Variants in CACNG7 observed in about 807,000 individuals in gnomAD.
CACNG7 encodes calcium voltage-gated channel auxiliary subunit gamma 7, also known as voltage-dependent calcium channel gamma-7 subunit.
CACNG7 carries 9 observed loss-of-function variants against 26.3 expected under a neutral mutation model. That is an observed-to-expected ratio of 0.34 (90% CI 0.21 to 0.60). CACNG7 has a LOEUF of 0.60. Ranked by LOEUF, CACNG7 falls within the 20% of genes least tolerant of loss-of-function variation. CACNG7 has a pLI of 0.81. For missense variants in CACNG7, 297 were observed against 380.4 expected (o/e 0.78, Z 1.82); for synonymous variants, 170 against 157.0 (o/e 1.08, Z -0.62).
At chr19:53,911,871 G>C (rs1372820415) in intron 1 of CACNG7, among the ~76,000 whole-genome samples, 1 of 152,158 alleles carries the variant, frequency 6.6e-6, no homozygotes, top group Non-Finnish European at 1.5e-5. Flanking sequence ...TGTTAGAATT[G>C]GGTGTTAGGC....
At chr19:53,913,393 A>G (rs2068873113) in intron 2 of CACNG7, among the ~76,000 whole-genome samples, 2 of 152,022 alleles carry the variant, frequency 1.3e-5, no homozygotes, top group South Asian at 4.1e-4. Flanking sequence ...AGGCCAAGGC[A>G]GGAGTATCCC....
chr19:53,921,896 G>C (rs2068959397), intron 4 of CACNG7, among the ~76,000 whole-genome samples: 2 of 106,642 alleles, frequency 1.9e-5, no homozygotes, highest in Admixed American at 8.1e-5. Context: ...GTCATTGGTG[G>C]AGTTGTCCCC....
At chr19:53,917,237 A>G (rs2068904555) in intron 4 of CACNG7, among the ~76,000 whole-genome samples, 1 of 152,212 alleles carries the variant, frequency 6.6e-6, no homozygotes, top group Non-Finnish European at 1.5e-5. Flanking sequence ...GCTAACCCCA[A>G]TTCATTCTGA....
intron 2 of CACNG7, among the ~76,000 whole-genome samples, chr19:53,914,029 A>G (rs2068877526): frequency 6.6e-6 from 1 of 151,970 alleles, no homozygotes. Flanking sequence ...TAATCCCAGC[A>G]CTTTGGGGGG....
At chr19:53,937,260 A>G (rs1016372839) in intron 4 of CACNG7, among the ~76,000 whole-genome samples, 2 of 152,116 alleles carry the variant, frequency 1.3e-5, no homozygotes, top group African/African-American at 4.8e-5. Context: ...CCATCACGGG[A>G]GAGATATCCT....
rs1399171141 is a variant in CACNG7 at position 53,909,885 on chromosome 19, G to A, written c.-30+368G>A. On this transcript the variant is annotated intron_variant, in intron 1 of 5. Coordinates refer to ENST00000391767, the MANE Select transcript of CACNG7 (RefSeq NM_031896.5). The surrounding 1 kb of genome is among the most constrained non-coding windows in gnomAD (Gnocchi z 5.1). ...GGGGTCCCAGAAAGGGGGAGTTACG[G>A]TCTCCCGAGAGATGGAGGAGAGATG... 1.3e-5 allele frequency among the ~76,000 whole-genome samples: 2 copies of A among 152,126 alleles called. No homozygotes were observed. The highest frequency in any genetic ancestry group is 2.9e-5 in the Non-Finnish European group (2 of 68,030).
Position 53,919,700 on chromosome 19 carries a change from G to A in CACNG7, c.424+4195G>A, listed in dbSNP as rs562622305. Among the ~76,000 whole-genome samples, 931 of 138,684 alleles carry A rather than the reference G, an allele frequency of 6.7e-3. 5 individuals carry two copies. Among genetic ancestry groups the A allele is most frequent in the Middle Eastern group, 0.023 (5 of 218 alleles). 91.0% of individuals were successfully genotyped at this position (138,684 alleles called of 152,430 possible). On this transcript the variant is annotated intron_variant, in intron 4 of 5. Coordinates refer to ENST00000391767, the MANE Select transcript of CACNG7 (RefSeq NM_031896.5). ...TATTGGTGGAGTTGCCCCAGGTCTG[G>A]TCATTGGTGGAGTTGCCCCAGGCTG...
At chr19:53,924,518 G>T (rs112363849) in intron 4 of CACNG7, among the ~76,000 whole-genome samples, 1 of 150,514 alleles carries the variant, frequency 6.6e-6, no homozygotes, top group Non-Finnish European at 1.5e-5. Flanking sequence ...CTGGTTATTG[G>T]TGGAGTTGCC....
chr19:53,910,671 C>G (rs143931391), intron 1 of CACNG7, among the ~76,000 whole-genome samples: 3 of 152,134 alleles, frequency 2.0e-5, no homozygotes, highest in African/African-American at 7.2e-5. Flanking sequence ...AAAAATCTTG[C>G]AGGGGTCGGG....
intron 4 of CACNG7, among the ~76,000 whole-genome samples, chr19:53,930,529 C>G (rs924932529): frequency 6.6e-6 from 1 of 152,126 alleles, no homozygotes; most frequent in African/African-American, 2.4e-5. Flanking sequence ...CCTGCCACCA[C>G]GCTCTGCTAA....
rs1392279011 is a variant in CACNG7, at chr19:53,923,710, T to C, written c.424+8205T>C. Among the ~76,000 whole-genome samples the C allele has an allele frequency of 1.4e-3, 87 of 62,602 alleles. 2 individuals are homozygous for C. Among genetic ancestry groups the C allele is most frequent in the African/African-American group, 5.1e-3 (45 of 8,744 alleles). 41.1% of individuals were successfully genotyped at this position (62,602 alleles called of 152,430 possible). A position where few individuals can be genotyped will look rare whatever the true frequency, so the allele number is the denominator to read the frequency against. On this transcript the variant is annotated intron_variant, in intron 4 of 5. Transcript: ENST00000391767. ...CCAGGCCTGGTCATTGGTGGAGTTG[T>C]CCCAGGTCTGGTCATTGGTGGAGTT...
intron 4 of CACNG7, among the ~76,000 whole-genome samples, chr19:53,921,888 CATTGGTGGAGTTGTCCCCAGGTCTGGT>C (rs2068959315): frequency 2.6e-5 from 2 of 77,648 alleles, no homozygotes; most frequent in South Asian, 4.3e-4. Context: ...CCAGGCTGGT[CATTGGTGGAGTTGTCCCCAGGTCTGGT>C]ATTGGTGGAG....
rs768134695 is a variant in CACNG7 at position 53,942,271 on chromosome 19, A to G, written c.806A>G (p.His269Arg). ...GCCATCAAGTACCCGGACCACCTGCACATCTCCACCTCGCCCTGCTGAGGC... is the reference window on the plus strand; with the variant it reads ...GCCATCAAGTACCCGGACCACCTGCGCATCTCCACCTCGCCCTGCTGAGGC... ...PPAIKYPDHL[H>R]ISTSPC The change falls in exon 6 of 6, where the codon CAC becomes CGC. Residue 269 changes from histidine (H) to arginine (R), a missense_variant. By Grantham distance (29) the His-to-Arg change is conservative (BLOSUM62 0). Transcript: ENST00000391767. The surrounding 1 kb of genome is among the most constrained non-coding windows in gnomAD (Gnocchi z 5.9). 3.1e-6 allele frequency: 5 copies of G among 1,612,772 alleles called. No homozygotes were observed. The highest frequency in any genetic ancestry group is 3.4e-6 in the Non-Finnish European group (4 of 1,179,676).
At chr19:53,916,705 C>T (rs1308657453) in intron 4 of CACNG7, among the ~76,000 whole-genome samples, 11 of 145,724 alleles carry the variant, frequency 7.5e-5, no homozygotes, top group East Asian at 2.0e-4. Flanking sequence ...TCTTCATGTT[C>T]GTCAGGCTGG....
intron 4 of CACNG7, among the ~76,000 whole-genome samples, chr19:53,927,194 A>G (rs1011330860): frequency 2.6e-5 from 4 of 152,094 alleles, no homozygotes; most frequent in African/African-American, 7.2e-5. Context: ...TTCCGGGATT[A>G]CAGGCGTGAG....
chr19:53,932,903 G>A (rs2069082560), intron 4 of CACNG7, among the ~76,000 whole-genome samples: 1 of 150,424 alleles, frequency 6.6e-6, no homozygotes, highest in Non-Finnish European at 1.5e-5. Context: ...CGCCTCCCAG[G>A]TTAAAGCGAT....
In CACNG7 at chr19:53,920,966, C is replaced by G. The variant is rs1450077627; in HGVS notation, c.424+5461C>G. On this transcript the variant is annotated intron_variant, in intron 4 of 5. Coordinates refer to ENST00000391767, the MANE Select transcript of CACNG7 (RefSeq NM_031896.5). Reference sequence around the variant, plus strand: ...CCCAGGCTGGTCATTGGTGGACTTGCCCCAGGCTGGTCATTGGTGGAGTTG... The same window carrying G: ...CCCAGGCTGGTCATTGGTGGACTTGGCCCAGGCTGGTCATTGGTGGAGTTG... Among the ~76,000 whole-genome samples, 14 of 95,050 alleles carry G rather than the reference C, an allele frequency of 1.5e-4. No homozygotes were observed. The East Asian group carries it at 4.0e-3, about 27-fold the overall frequency. 62.4% of individuals were successfully genotyped at this position (95,050 alleles called of 152,430 possible).
chr19:53,940,368 A>T lies in CACNG7; in HGVS notation c.425-1102A>T, dbSNP rs192656250. Among the ~76,000 whole-genome samples, 4 of 152,154 alleles carry T rather than the reference A, an allele frequency of 2.6e-5. No homozygotes were observed. Among genetic ancestry groups the T allele is most frequent in the African/African-American group, 9.7e-5 (4 of 41,428 alleles). ...GTGCCTGGCACAGACCAAGACCTAT[A>T]TAAGTCGTTGCTATTATTATTGCTA... On this transcript the variant is annotated intron_variant, in intron 4 of 5. Transcript: ENST00000391767. The surrounding 1 kb of genome is among the most constrained non-coding windows in gnomAD (Gnocchi z 4.1).
At chr19:53,914,419 C>T (rs1025832959) in intron 2 of CACNG7, 81 bp from the exon 3 acceptor site, 30 of 1,179,838 alleles carry the variant, frequency 2.5e-5, no homozygotes, top group Middle Eastern at 2.4e-4. Flanking sequence ...GGTCTCCCCT[C>T]TATCTGTCCT....
Sources: gnomAD v4.1 joint callset for allele counts (sites outside exome capture counted in the v4.1 genomes callset) on GRCh38, gnomAD v4.1.1 for gene constraint, Gnocchi (gnomAD v3.1) non-coding constraint, MANE v1.5 for transcripts, NCBI Gene and HGNC (gene_info 2026-07-23, HGNC 2026-07-21) for gene names.